The following TBC1D1 variants were observed in gnomAD, a reference collection of about 807,000 sequenced individuals.
TBC1D1 encodes TBC1 (tre-2/USP6, BUB2, cdc16) domain family, member 1.
In TBC1D1, 89 loss-of-function variants were observed where a neutral mutation model predicts 125.6. That is an observed-to-expected ratio of 0.71 (90% CI 0.60 to 0.85). The LOEUF (loss-of-function observed/expected upper bound fraction) is 0.85, where lower values mean the gene tolerates loss of function less well. Ranked by LOEUF, TBC1D1 falls within the 40% of genes least tolerant of loss-of-function variation. The pLI is 0.00. For missense variants in TBC1D1, 1,377 were observed against 1,469.2 expected (o/e 0.94, Z 1.03); for synonymous variants, 565 against 564.1 (o/e 1.00, Z -0.02).
intron 12 of TBC1D1, among the ~76,000 whole-genome samples, chr4:38,087,021 T>C (rs1309937977): frequency 6.6e-6 from 1 of 152,210 alleles, no homozygotes; most frequent in Non-Finnish European, 1.5e-5. Context: ...CACTGCACCT[T>C]ATTTGTTTTA....
chr4:37,975,626 G>A (rs554229601), intron 2 of TBC1D1, among the ~76,000 whole-genome samples: 30 of 152,320 alleles, frequency 2.0e-4, no homozygotes, highest in African/African-American at 5.8e-4. Context: ...TGGTGTTACC[G>A]CTAGACCAAG....
intron 1 of TBC1D1, among the ~76,000 whole-genome samples, chr4:37,901,238 C>A (rs1369101365): frequency 1.3e-5 from 2 of 151,990 alleles, no homozygotes; most frequent in East Asian, 3.9e-4. Flanking sequence ...CTTGCTGCAG[C>A]CTCTGCCTCC....
At chr4:38,103,212 A>G in intron 15 of TBC1D1, 55 bp downstream of exon 17, 6 of 1,555,432 alleles carry the variant, frequency 3.9e-6, no homozygotes, top group South Asian at 1.2e-5. Flanking sequence ...CACATGAAAA[A>G]TCTGAAGAGA....
chr4:38,076,350 G>A (rs943062774), intron 12 of TBC1D1, among the ~76,000 whole-genome samples: 2 of 152,134 alleles, frequency 1.3e-5, no homozygotes, highest in Non-Finnish European at 2.9e-5. Flanking sequence ...CATGACATGG[G>A]GATTATGAGA....
intron 2 of TBC1D1, among the ~76,000 whole-genome samples, chr4:37,955,921 G>C (rs1445127960): frequency 6.6e-6 from 1 of 152,106 alleles, no homozygotes; most frequent in Admixed American, 6.5e-5. Context: ...AGGATTGCTT[G>C]AGTCTAGGAG....
intron 15 of TBC1D1, 28 bp downstream of exon 17, chr4:38,103,185 A>T: frequency 6.3e-7 from 1 of 1,584,884 alleles, no homozygotes; most frequent in Non-Finnish European, 8.6e-7. Context: ...ATTGGAGATG[A>T]CAATGGAAGT....
intron 2 of TBC1D1, among the ~76,000 whole-genome samples, chr4:37,993,162 G>C (rs1737006027): frequency 6.6e-6 from 1 of 152,160 alleles, no homozygotes; most frequent in Non-Finnish European, 1.5e-5. Context: ...AGAATTCAGA[G>C]CTGGAAATGT....
chr4:37,970,333 G>A (rs573749633), intron 2 of TBC1D1, among the ~76,000 whole-genome samples: 1 of 152,310 alleles, frequency 6.6e-6, no homozygotes, highest in East Asian at 1.9e-4. Flanking sequence ...TTTTCTGTTT[G>A]TAAGAGATGA....
intron 12 of TBC1D1, among the ~76,000 whole-genome samples, chr4:38,081,993 C>T (rs1756647033): frequency 1.3e-5 from 2 of 152,146 alleles, no homozygotes; most frequent in Non-Finnish European, 2.9e-5. Flanking sequence ...CTAGCTTATC[C>T]GTTGGTGGTG....
At chr4:38,006,474 ATT>A (rs71190940) in intron 2 of TBC1D1, among the ~76,000 whole-genome samples, 9 of 101,374 alleles carry the variant, frequency 8.9e-5, no homozygotes, top group African/African-American at 2.3e-4. Flanking sequence ...GACCAACACT[ATT>A]TTTTTTTTTT....
chr4:38,016,717 C>T (rs1742805250), intron 3 of TBC1D1, among the ~76,000 whole-genome samples: 1 of 152,204 alleles, frequency 6.6e-6, no homozygotes, highest in Admixed American at 6.5e-5. Flanking sequence ...GATGGCCGCA[C>T]TGAAAACAAG....
At chr4:37,971,250 T>TA (rs1339076648) in intron 2 of TBC1D1, among the ~76,000 whole-genome samples, 1 of 152,210 alleles carries the variant, frequency 6.6e-6, no homozygotes. Flanking sequence ...GATACTGTAT[T>TA]AGTCTATTCT....
chr4:38,052,704 A>ACG (rs1560698079), intron 11 of TBC1D1, among the ~76,000 whole-genome samples: 4 of 102,650 alleles, frequency 3.9e-5, no homozygotes, highest in African/African-American at 1.9e-4. Context: ...ATGCGTATAT[A>ACG]CACACACACG....
In TBC1D1 at chr4:38,044,464, G is replaced by A. The variant is rs1178157616; in HGVS notation, c.1516G>A (p.Glu506Lys). 6.2e-7 allele frequency: 1 copy of A among 1,612,814 alleles called. No homozygotes were observed. The highest frequency in any genetic ancestry group is 8.5e-7 in the Non-Finnish European group (1 of 1,179,746). ...AAACAAAGCAAAGAGATCTTTAACA[G>A]AGTCTTTAGAAAGTATTTTGTCCCG... The change falls in exon 9 of 20, where the codon GAG becomes AAG. Residue 506 changes from glutamate to lysine, a missense_variant. Physicochemically the swap from Glu to Lys is moderately conservative, Grantham distance 56. Transcript: ENST00000261439.
At chr4:37,898,371 G>A (rs1396336411) in intron 1 of TBC1D1, among the ~76,000 whole-genome samples, 2 of 152,180 alleles carry the variant, frequency 1.3e-5, no homozygotes, top group South Asian at 4.1e-4. Flanking sequence ...GACAAGGATG[G>A]AGACTGTTGG....
chr4:38,048,881 A>T (rs563212618), intron 10 of TBC1D1, among the ~76,000 whole-genome samples: 2 of 152,202 alleles, frequency 1.3e-5, no homozygotes, highest in Non-Finnish European at 2.9e-5. Flanking sequence ...TATTGTCATG[A>T]TTCTCAACAA....
intron 12 of TBC1D1, among the ~76,000 whole-genome samples, chr4:38,063,689 T>G (rs1254545532): frequency 6.6e-6 from 1 of 151,936 alleles, no homozygotes; most frequent in Non-Finnish European, 1.5e-5. Flanking sequence ...AGTGCAGTGG[T>G]GCGATCTCGG....
Position 37,977,004 on chromosome 4 carries a change from G to A in TBC1D1, c.418-37505G>A, listed in dbSNP as rs1410294370. On this transcript the variant is annotated intron_variant, in intron 2 of 19. Coordinates refer to ENST00000261439, the MANE Select transcript of TBC1D1 (RefSeq NM_015173.4). The surrounding 1 kb of genome is among the most constrained non-coding windows in gnomAD (Gnocchi z 4.3). ...GGGGTCACCCCTGGAAAGTTGGGCG[G>A]GCTTTGTGTTAGCTCCAACTCTGGG... Among the ~76,000 whole-genome samples the A allele has an allele frequency of 6.6e-6, 1 of 152,214 alleles. No homozygotes were observed. The highest frequency in any genetic ancestry group is 1.5e-5 in the Non-Finnish European group (1 of 68,042).
chr4:38,053,406 C>G lies in TBC1D1; in HGVS notation c.1911-793C>G, dbSNP rs190611201. On this transcript the variant is annotated intron_variant, in intron 11 of 19. Transcript: ENST00000261439. Reference sequence around the variant, plus strand: ...CCATTTTTAAAAATGTGCAACCAACCTGTTCTCTAGTTTTGACGAGGATTA... The same window carrying G: ...CCATTTTTAAAAATGTGCAACCAACGTGTTCTCTAGTTTTGACGAGGATTA... Among the ~76,000 whole-genome samples, 72 of 152,278 alleles carry G rather than the reference C, an allele frequency of 4.7e-4. 1 individual carries two copies. The highest frequency in any genetic ancestry group is 7.2e-4 in the Admixed American group (11 of 15,292).
Sources: gnomAD v4.1 joint callset for allele counts (sites outside exome capture counted in the v4.1 genomes callset) on GRCh38, gnomAD v4.1.1 for gene constraint, Gnocchi (gnomAD v3.1) non-coding constraint, MANE v1.5 for transcripts, NCBI Gene and HGNC (gene_info 2026-07-23, HGNC 2026-07-21) for gene names.